Variants in MYH10 observed in about 807,000 individuals in gnomAD.
MYH10 encodes myosin-10.
A neutral mutation model predicts 257.8 loss-of-function variants in MYH10; 55 were observed. The ratio of observed to expected loss-of-function variants is 0.21; its 90% confidence interval spans 0.17 to 0.27. MYH10 has a LOEUF of 0.27. Among genes scored for constraint, MYH10 ranks in the 10% least tolerant of loss-of-function variants. MYH10 has a pLI of 1.00. For synonymous variants in MYH10, 854 were observed against 921.7 expected (o/e 0.93, Z 1.33); for missense variants, 1,631 against 2,500.6 (o/e 0.65, Z 7.42).
At chr17:8,594,637 G>A (rs2084291181) in intron 3 of MYH10, among the ~76,000 whole-genome samples, 2 of 152,034 alleles carry the variant, frequency 1.3e-5, no homozygotes, top group South Asian at 4.2e-4. Flanking sequence ...TACAAATGTT[G>A]ACCCCCGTTA....
intron 7 of MYH10, chr17:8,561,412 T>TA: frequency 9.5e-7 from 1 of 1,052,348 alleles, no homozygotes; most frequent in East Asian, 2.4e-5. Context: ...CTTCGATGCC[T>TA]ATGTGCTTCC....
At chr17:8,598,325 G>A (rs2084463533) in intron 3 of MYH10, among the ~76,000 whole-genome samples, 1 of 152,232 alleles carries the variant, frequency 6.6e-6, no homozygotes, top group African/African-American at 2.4e-5. Flanking sequence ...TGTCATTTCT[G>A]GTAGTTCTGT....
chr17:8,603,212 C>T (rs1376582904), intron 3 of MYH10, among the ~76,000 whole-genome samples: 1 of 152,130 alleles, frequency 6.6e-6, no homozygotes, highest in East Asian at 1.9e-4. Flanking sequence ...AGTTTCATGC[C>T]ATTGACAAAT....
intron 14 of MYH10, among the ~76,000 whole-genome samples, chr17:8,537,450 C>T (rs1041947699): frequency 9.9e-5 from 15 of 152,156 alleles, no homozygotes; most frequent in African/African-American, 3.6e-4. Context: ...TGAGGGAACC[C>T]TTCTGCAATG....
chr17:8,600,602 A>G (rs1051391299), intron 3 of MYH10, among the ~76,000 whole-genome samples: 1 of 152,194 alleles, frequency 6.6e-6, no homozygotes, highest in Non-Finnish European at 1.5e-5. Flanking sequence ...ATTAAAAACT[A>G]TGAAGTAACA....
At chr17:8,549,752 G>A (rs2082561053) in intron 9 of MYH10, among the ~76,000 whole-genome samples, 1 of 151,982 alleles carries the variant, frequency 6.6e-6, no homozygotes, top group African/African-American at 2.4e-5. Flanking sequence ...ATGCTGAGCC[G>A]AGGCTGGACT....
chr17:8,613,307 G>T (rs1194853207), intron 2 of MYH10, among the ~76,000 whole-genome samples: 1 of 152,030 alleles, frequency 6.6e-6, no homozygotes, highest in African/African-American at 2.4e-5. Flanking sequence ...CTAAAAGAAC[G>T]GAAGCTAAAA....
At chr17:8,546,204 G>A (rs2082438463) in intron 12 of MYH10, among the ~76,000 whole-genome samples, 1 of 151,694 alleles carries the variant, frequency 6.6e-6, no homozygotes. Context: ...GACTACAGGC[G>A]CATGCCATCA....
At chr17:8,576,557 G>A (rs903076888) in intron 6 of MYH10, 86 bp downstream of exon 6, 30 of 1,274,308 alleles carry the variant, frequency 2.4e-5, no homozygotes, top group African/African-American at 4.5e-5. Context: ...TAGAACTAGT[G>A]GCATTTGATT....
chr17:8,542,323 A>C, intron 13 of MYH10, 43 bp from the exon 14 acceptor site: 1 of 1,570,426 alleles, frequency 6.4e-7, no homozygotes, highest in South Asian at 1.1e-5. Context: ...GGGGAGGTGG[A>C]GGGAAAATGG....
chr17:8,542,343 G>T, intron 13 of MYH10, 63 bp from the exon 14 acceptor site: 3 of 1,442,904 alleles, frequency 2.1e-6, no homozygotes, highest in Non-Finnish European at 2.9e-6. Context: ...GGAATAATTA[G>T]TTATGTAGTT....
intron 17 of MYH10, among the ~76,000 whole-genome samples, chr17:8,523,972 C>T (rs567510437): frequency 1.1e-4 from 16 of 152,040 alleles, no homozygotes; most frequent in African/African-American, 3.1e-4. Context: ...TGGGGGACTT[C>T]GAAGTGGAAG....
chr17:8,592,933 C>CCATATATATCTATATATATA (rs1555612260), intron 3 of MYH10, among the ~76,000 whole-genome samples: 1 of 44,712 alleles, frequency 2.2e-5, no homozygotes, highest in African/African-American at 6.2e-5. Flanking sequence ...TCAAATCCAG[C>CCATATATATCTATATATATA]TATATATATA....
chr17:8,611,398 T>A (rs1027874917), intron 2 of MYH10, among the ~76,000 whole-genome samples: 1 of 152,256 alleles, frequency 6.6e-6, no homozygotes, highest in Non-Finnish European at 1.5e-5. Context: ...CAACAAGTTG[T>A]GGCTGAAATC....
At chr17:8,597,706 C>T (rs1361467040) in intron 3 of MYH10, among the ~76,000 whole-genome samples, 1 of 151,732 alleles carries the variant, frequency 6.6e-6, no homozygotes, top group Non-Finnish European at 1.5e-5. Flanking sequence ...CTCTGCCTCC[C>T]AGGTTCAAGG....
In MYH10 at chr17:8,573,278, C is replaced by T. The variant is rs111738943; in HGVS notation, c.663+3365G>A. Among the ~76,000 whole-genome samples, 162 of 152,274 alleles carry T rather than the reference C, an allele frequency of 1.1e-3. 1 individual carries two copies. Among genetic ancestry groups the T allele is most frequent in the African/African-American group, 3.6e-3 (149 of 41,550 alleles). On this transcript the variant is annotated intron_variant, in intron 6 of 42. Transcript: ENST00000360416. ...CCGCAAGGGGACTCAGGCTGAGATC[C>T]GGCTGTACCTTGCAGGCCTGGCAGG...
intron 7 of MYH10, among the ~76,000 whole-genome samples, chr17:8,559,105 ATTC>A (rs1379583956): frequency 6.6e-6 from 1 of 152,296 alleles, no homozygotes; most frequent in East Asian, 1.9e-4. Context: ...AATATATATA[ATTC>A]TTAAGTTTGA....
At chr17:8,498,042 C>T (rs1916939649) in intron 30 of MYH10, among the ~76,000 whole-genome samples, 1 of 124,292 alleles carries the variant, frequency 8.0e-6, no homozygotes, top group South Asian at 2.8e-4. Context: ...AGTGCAGTGG[C>T]GTGATCTCGG....
chr17:8,482,577 C>T (rs1385598060), intron 37 of MYH10, among the ~76,000 whole-genome samples: 1 of 152,126 alleles, frequency 6.6e-6, no homozygotes, highest in Admixed American at 6.5e-5. Flanking sequence ...GGGTGGGGCT[C>T]TAGGCAGACT....
Sources: gnomAD v4.1 joint callset for allele counts (sites outside exome capture counted in the v4.1 genomes callset) on GRCh38, gnomAD v4.1.1 for gene constraint, MANE v1.5 for transcripts, NCBI Gene and HGNC (gene_info 2026-07-23, HGNC 2026-07-21) for gene names.